Variants in CNTN5 observed in about 807,000 individuals in gnomAD.
CNTN5 encodes contactin 5.
In CNTN5, 77 loss-of-function variants were observed where a neutral mutation model predicts 129.1. The observed-to-expected ratio is 0.60, with a 90% CI of 0.50 to 0.72. The LOEUF (loss-of-function observed/expected upper bound fraction) is 0.72, where lower values mean the gene tolerates loss of function less well. Ranked by LOEUF, CNTN5 falls within the 30% of genes least tolerant of loss-of-function variation. The pLI, the probability that CNTN5 is intolerant of heterozygous loss-of-function variation, is 0.00. For missense variants in CNTN5, 1,478 were observed against 1,328.8 expected (o/e 1.11, Z -1.75); for synonymous variants, 509 against 465.6 (o/e 1.09, Z -1.20).
At chr11:99,480,281 T>C (rs908690695) in intron 2 of CNTN5, among the ~76,000 whole-genome samples, 4 of 152,172 alleles carry the variant, frequency 2.6e-5, no homozygotes, top group African/African-American at 9.7e-5. Context: ...CTTGAAATGA[T>C]AAACTTTCTC....
chr11:99,522,677 G>A (rs544781448), intron 2 of CNTN5, among the ~76,000 whole-genome samples: 15 of 152,106 alleles, frequency 9.9e-5, no homozygotes, highest in Admixed American at 9.2e-4. Flanking sequence ...TAATGTAGTC[G>A]AAGGATCATA....
At chr11:99,271,452 TATC>T (rs1398116735) in intron 1 of CNTN5, among the ~76,000 whole-genome samples, 2 of 151,884 alleles carry the variant, frequency 1.3e-5, no homozygotes, top group Non-Finnish European at 2.9e-5. Flanking sequence ...AGAATAAAAT[TATC>T]AGTGCAATTT....
At chr11:100,059,838 A>C (rs1247123288) in intron 9 of CNTN5, among the ~76,000 whole-genome samples, 1 of 152,198 alleles carries the variant, frequency 6.6e-6, no homozygotes, top group Non-Finnish European at 1.5e-5. Context: ...GCTTTTGTGA[A>C]TGACTGCTAC....
At chr11:100,039,016 G>A (rs2137662966) in intron 9 of CNTN5, among the ~76,000 whole-genome samples, 1 of 152,240 alleles carries the variant, frequency 6.6e-6, no homozygotes, top group South Asian at 2.1e-4. Context: ...TCATTATGGT[G>A]TTAGCTGGTT....
rs144068737 is a variant in CNTN5 at position 100,341,359 on chromosome 11, A to G, written c.3030+154A>G. 1.2e-4 allele frequency among the ~76,000 whole-genome samples: 19 copies of G among 152,298 alleles called. No individual in the cohort carries two copies. The East Asian group carries it at 3.5e-3, about 28-fold the overall frequency. ...TCTTAGAAAGATAGCCTTCCTATAGATAGAGAAGCCAAGGCAGTCAAAATT... is the reference window on the plus strand; with the variant it reads ...TCTTAGAAAGATAGCCTTCCTATAGGTAGAGAAGCCAAGGCAGTCAAAATT... On this transcript the variant is annotated intron_variant, in intron 23 of 24. Coordinates refer to ENST00000524871, the MANE Select transcript of CNTN5 (RefSeq NM_014361.4).
intron 13 of CNTN5, among the ~76,000 whole-genome samples, chr11:100,163,246 G>T (rs1209963500): frequency 6.6e-6 from 1 of 151,268 alleles, no homozygotes; most frequent in Admixed American, 6.6e-5. Flanking sequence ...AAGGAGTCAG[G>T]TTACAACCTG....
chr11:99,574,698 A>T (rs913111159), intron 3 of CNTN5, among the ~76,000 whole-genome samples: 1 of 152,062 alleles, frequency 6.6e-6, no homozygotes, highest in Non-Finnish European at 1.5e-5. Flanking sequence ...TTGGCCACAT[A>T]AATGCCTTTC....
At chr11:100,354,209 A>G (rs1952477443) in intron 24 of CNTN5, among the ~76,000 whole-genome samples, 1 of 151,652 alleles carries the variant, frequency 6.6e-6, no homozygotes, top group Non-Finnish European at 1.5e-5. Flanking sequence ...TTCGTACAGT[A>G]TGTGACATAC....
At chr11:99,595,117 TG>T (rs529040513) in intron 3 of CNTN5, among the ~76,000 whole-genome samples, 110 of 152,146 alleles carry the variant, frequency 7.2e-4, no homozygotes, top group African/African-American at 2.5e-3. Context: ...GTTAGTTAGA[TG>T]GGAAGAATGA....
At chr11:99,982,799 C>T (rs1279420723) in intron 8 of CNTN5, among the ~76,000 whole-genome samples, 1 of 152,078 alleles carries the variant, frequency 6.6e-6, no homozygotes, top group South Asian at 2.1e-4. Flanking sequence ...TGCCACCACG[C>T]CCAGTTAATT....
chr11:99,796,570 C>G (rs1945949078), intron 3 of CNTN5, among the ~76,000 whole-genome samples: 1 of 151,536 alleles, frequency 6.6e-6, no homozygotes, highest in Non-Finnish European at 1.5e-5. Context: ...CCAGAAGGCA[C>G]TCTGGCTGGG....
chr11:99,775,560 A>G (rs1399981173), intron 3 of CNTN5, among the ~76,000 whole-genome samples: 4 of 152,078 alleles, frequency 2.6e-5, no homozygotes, highest in Non-Finnish European at 5.9e-5. Context: ...AAACAGGTAG[A>G]TAATTACTGG....
At chr11:99,246,466 G>A (rs1488112775) in intron 1 of CNTN5, among the ~76,000 whole-genome samples, 2 of 152,102 alleles carry the variant, frequency 1.3e-5, no homozygotes, top group Non-Finnish European at 2.9e-5. Context: ...TCATGAGGCA[G>A]GAGCCATCGT....
At chr11:99,860,770 G>A (rs1009234008) in intron 6 of CNTN5, among the ~76,000 whole-genome samples, 1 of 151,846 alleles carries the variant, frequency 6.6e-6, no homozygotes, top group Non-Finnish European at 1.5e-5. Context: ...GGATTGCTTC[G>A]GCTATTTGAA....
intron 13 of CNTN5, among the ~76,000 whole-genome samples, chr11:100,090,546 C>CCTTCTTTCCTTCCTTT (rs1944738748): frequency 1.2e-5 from 1 of 84,020 alleles, no homozygotes. Flanking sequence ...TTCCTTCCTT[C>CCTTCTTTCCTTCCTTT]CTTCCCTCCC....
intron 3 of CNTN5, among the ~76,000 whole-genome samples, chr11:99,609,018 T>G (rs1205311014): frequency 6.6e-6 from 1 of 152,212 alleles, no homozygotes; most frequent in African/African-American, 2.4e-5. Flanking sequence ...ACTTGTCCTT[T>G]AGCTTTGTAT....
At chr11:99,249,359 A>C (rs1861983258) in intron 1 of CNTN5, among the ~76,000 whole-genome samples, 1 of 152,062 alleles carries the variant, frequency 6.6e-6, no homozygotes, top group African/African-American at 2.4e-5. Flanking sequence ...GCTTAAGGAG[A>C]TTTTGAAGCC....
At chr11:99,587,709 A>ATT (rs75104268) in intron 3 of CNTN5, among the ~76,000 whole-genome samples, 1 of 152,072 alleles carries the variant, frequency 6.6e-6, no homozygotes, top group Non-Finnish European at 1.5e-5. Flanking sequence ...ATTGCTGAGA[A>ATT]TTTTTTTAAA....
chr11:99,922,691 G>T (rs1949968273), intron 7 of CNTN5, among the ~76,000 whole-genome samples: 1 of 152,154 alleles, frequency 6.6e-6, no homozygotes, highest in Non-Finnish European at 1.5e-5. Context: ...AATGTAAAGT[G>T]TCAGGAGTCA....
Sources: gnomAD v4.1 joint callset for allele counts (sites outside exome capture counted in the v4.1 genomes callset) on GRCh38, gnomAD v4.1.1 for gene constraint, MANE v1.5 for transcripts, NCBI Gene and HGNC (gene_info 2026-07-23, HGNC 2026-07-21) for gene names.